CADPS2: variants seen among roughly 807,000 people sequenced by gnomAD.
The protein encoded by CADPS2 is calcium dependent secretion activator 2, also known as calcium-dependent secretion activator 2.
In CADPS2, 93 loss-of-function variants were observed where a neutral mutation model predicts 172.5. The ratio of observed to expected loss-of-function variants is 0.54; its 90% CI spans 0.46 to 0.64. CADPS2 has a LOEUF of 0.64. Ranked by LOEUF, CADPS2 falls within the 30% of genes least tolerant of loss-of-function variation. The probability of loss-of-function intolerance (pLI) is 0.00; values close to 1 mark genes in which losing one functional copy is unlikely to be tolerated. For synonymous variants in CADPS2, 546 were observed against 555.2 expected, an observed-to-expected ratio of 0.98 and a Z score of 0.23; for missense variants, 1,420 against 1,565.9, an observed-to-expected ratio of 0.91 and a Z score of 1.57.
rs1426227977 is a variant in CADPS2, at chr7:122,438,327, C to T, written c.2476+14G>A. 2 of 1,612,484 alleles carry T rather than the reference C, an allele frequency of 1.2e-6. No homozygotes were observed. Among genetic ancestry groups the T allele is most frequent in the Admixed American group, 3.3e-5 (2 of 59,968 alleles). Reference sequence around the variant, plus strand: ...GCTCTCACTGCCACTTCGACAATTGCTCACTGCACTGACCTTCTATTTTGG... The same window carrying T: ...GCTCTCACTGCCACTTCGACAATTGTTCACTGCACTGACCTTCTATTTTGG... On this transcript the variant is annotated intron_variant, in intron 17 of 29. Coordinates refer to ENST00000449022, the MANE Select transcript of CADPS2 (RefSeq NM_017954.11).
rs559856441 is a variant in CADPS2 at position 122,817,871 on chromosome 7, CTCT to C, written c.339+68125_339+68127del. On this transcript the variant is annotated intron_variant, in intron 1 of 29. Coordinates refer to ENST00000449022, the MANE Select transcript of CADPS2 (RefSeq NM_017954.11). ...CAATCCCTTATTTCCATGCCCCGAC[CTCT>C]TATCTCTGCGCCCCAATCCCTTATC... 1.1e-4 allele frequency among the ~76,000 whole-genome samples: 17 copies of C among 151,468 alleles called. No homozygotes were observed. In the South Asian group the frequency reaches 3.6e-3, roughly 32 times the overall value.
At chr7:122,648,181 C>T (rs1436804644) in intron 3 of CADPS2, among the ~76,000 whole-genome samples, 1 of 152,060 alleles carries the variant, frequency 6.6e-6, no homozygotes, top group Non-Finnish European at 1.5e-5. Context: ...TCTAGTTCTT[C>T]TCCCACCCCA....
At chr7:122,363,095 C>A (rs180824274) in intron 25 of CADPS2, among the ~76,000 whole-genome samples, 69 of 152,304 alleles carry the variant, frequency 4.5e-4, no homozygotes, top group African/African-American at 1.6e-3. Context: ...TTTCTTCCTG[C>A]CTGTTAGGAT....
intron 7 of CADPS2, among the ~76,000 whole-genome samples, chr7:122,568,418 A>G (rs908471701): frequency 5.9e-5 from 9 of 152,212 alleles, no homozygotes; most frequent in African/African-American, 1.9e-4. Flanking sequence ...TCAGATATTC[A>G]TAAAACATGA....
At chr7:122,692,901 A>T (rs66552780) in intron 2 of CADPS2, among the ~76,000 whole-genome samples, 2 of 152,096 alleles carry the variant, frequency 1.3e-5, no homozygotes, top group African/African-American at 4.8e-5. Flanking sequence ...CAGCAGCTTA[A>T]CTCTCTCTCT....
chr7:122,544,380 C>A (rs114868652), intron 8 of CADPS2, among the ~76,000 whole-genome samples: 2,319 of 152,212 alleles, frequency 0.015, 60 homozygotes, highest in African/African-American at 0.053. Flanking sequence ...GACAAGAGTG[C>A]ACAGTATCTA....
At chr7:122,614,491 G>GA (rs538782412) in intron 6 of CADPS2, among the ~76,000 whole-genome samples, 10 of 151,924 alleles carry the variant, frequency 6.6e-5, no homozygotes, top group South Asian at 2.1e-4. Flanking sequence ...TTAAATAGAA[G>GA]AAAAAAAATG....
intron 8 of CADPS2, among the ~76,000 whole-genome samples, chr7:122,515,461 CT>C (rs1458774997): frequency 2.0e-5 from 3 of 152,068 alleles, no homozygotes; most frequent in African/African-American, 7.2e-5. Flanking sequence ...CAGCAATGAC[CT>C]CGGGAGCTAG....
intron 2 of CADPS2, among the ~76,000 whole-genome samples, chr7:122,705,758 TATAATATATG>T (rs2087055916): frequency 1.1e-4 from 1 of 9,258 alleles, no homozygotes; most frequent in African/African-American, 3.3e-4. Flanking sequence ...ATATATAATA[TATAATATATG>T]ATATATTATA....
chr7:122,559,404 C>T (rs1000873238), intron 7 of CADPS2, among the ~76,000 whole-genome samples: 8 of 152,086 alleles, frequency 5.3e-5, no homozygotes, highest in African/African-American at 1.2e-4. Context: ...CCGCTCTCCA[C>T]GAAAAGAACT....
intron 1 of CADPS2, chr7:122,850,476 T>G (rs1563172442): frequency 4.3e-6 from 1 of 232,870 alleles, no homozygotes; most frequent in Non-Finnish European, 8.5e-6. Context: ...TTTGGAGATG[T>G]CTTCCTTGTG....
chr7:122,326,418 AAAAAAGAC>A (rs2033888323), intron 28 of CADPS2, among the ~76,000 whole-genome samples: 1 of 152,104 alleles, frequency 6.6e-6, no homozygotes, highest in African/African-American at 2.4e-5. Flanking sequence ...CCTGTTTTCA[AAAAAAGAC>A]AATCTGCCAT....
In CADPS2 at chr7:122,393,504, A is replaced by G. The variant is rs1481406638; in HGVS notation, c.2825T>C (p.Met942Thr). 6.2e-7 allele frequency: 1 copy of G among 1,613,932 alleles called. No homozygotes were observed. ...AATTGACTGGGCGATGGAAGACTCCATGAGATCCACATAGCGGACAACCAA... is the reference window on the plus strand; with the variant it reads ...AATTGACTGGGCGATGGAAGACTCCGTGAGATCCACATAGCGGACAACCAA... ...VPLVVRYVDL[M>T]ESSIAQSIHR... Residue 942 changes from methionine (M) to threonine (T), a missense_variant, in exon 21 of 30, where the codon ATG becomes ACG. Met to Thr is a moderately conservative substitution (Grantham distance 81). Transcript: ENST00000449022.
intron 6 of CADPS2, among the ~76,000 whole-genome samples, chr7:122,603,566 A>G (rs994966504): frequency 2.6e-5 from 4 of 152,094 alleles, no homozygotes; most frequent in African/African-American, 9.6e-5. Flanking sequence ...TATTACCCCA[A>G]TTAACTCACA....
At chr7:122,374,906 A>G (rs1334369028) in intron 25 of CADPS2, among the ~76,000 whole-genome samples, 2 of 152,190 alleles carry the variant, frequency 1.3e-5, no homozygotes, top group African/African-American at 4.8e-5. Context: ...TATACTAACA[A>G]TGCACTATTT....
At chr7:122,682,975 C>T (rs543915365) in intron 2 of CADPS2, among the ~76,000 whole-genome samples, 1 of 152,334 alleles carries the variant, frequency 6.6e-6, no homozygotes, top group South Asian at 2.1e-4. Context: ...CTGGAACGGC[C>T]AGTTGCTCCT....
In CADPS2 at chr7:122,882,264, T is replaced by C. The variant is rs868468298; in HGVS notation, c.339+3735A>G. 2.0e-5 allele frequency among the ~76,000 whole-genome samples: 3 copies of C among 152,178 alleles called. No homozygotes were observed. In the South Asian group the frequency reaches 6.2e-4, roughly 32 times the overall value. ...TTATGCAAAGTGGTAGGAGTGATTA[T>C]ACAAAATGGTTTAATAAGGCACAAT... On this transcript the variant is annotated intron_variant, in intron 1 of 29. Coordinates refer to ENST00000449022, the MANE Select transcript of CADPS2 (RefSeq NM_017954.11).
intron 12 of CADPS2, among the ~76,000 whole-genome samples, chr7:122,475,279 A>G (rs1366100835): frequency 6.6e-6 from 1 of 152,208 alleles, no homozygotes; most frequent in African/African-American, 2.4e-5. Flanking sequence ...AAAGCCACAC[A>G]CTACCCCAAA....
intron 8 of CADPS2, among the ~76,000 whole-genome samples, chr7:122,518,721 AT>A (rs1357498012): frequency 6.6e-6 from 1 of 151,980 alleles, no homozygotes; most frequent in African/African-American, 2.4e-5. Context: ...GGGTATGTAA[AT>A]GAGACCTGCC....
Sources: gnomAD v4.1 joint callset for allele counts (sites outside exome capture counted in the v4.1 genomes callset) on GRCh38, gnomAD v4.1.1 for gene constraint, MANE v1.5 for transcripts, NCBI Gene and HGNC (gene_info 2026-07-23, HGNC 2026-07-21) for gene names.